Variants in VPS13D observed in about 807,000 individuals in gnomAD.
VPS13D encodes the protein intermembrane lipid transfer protein VPS13D.
VPS13D carries 187 observed loss-of-function variants against 461.9 expected under a neutral mutation model. That is an observed-to-expected ratio of 0.40 (90% CI 0.36 to 0.46). The LOEUF (loss-of-function observed/expected upper bound fraction) is 0.46, where lower values mean the gene tolerates loss of function less well. Among genes scored for constraint, VPS13D ranks in the 20% least tolerant of loss-of-function variants. VPS13D has a pLI of 0.60. For synonymous variants in VPS13D, 1,951 were observed against 1,986.3 expected (o/e 0.98, Z 0.47); for missense variants, 4,711 against 5,364.9 (o/e 0.88, Z 3.81).
At chr1:12,253,620 A>C in intron 6 of VPS13D, 102 bp from the exon 7 acceptor site, 1 of 930,178 alleles carries the variant, frequency 1.1e-6, no homozygotes, top group Admixed American at 1.9e-5. Flanking sequence ...AGCACCTTGC[A>C]AAGTACCTGA....
At chr1:12,271,869 G>A (rs1251225726) in intron 17 of VPS13D, among the ~76,000 whole-genome samples, 3 of 152,172 alleles carry the variant, frequency 2.0e-5, no homozygotes, top group African/African-American at 7.2e-5. Context: ...GGATGCCATA[G>A]ATAGGGAGGG....
chr1:12,275,889 A>G lies in VPS13D; in HGVS notation c.2301A>G (p.Glu767=). Residue 767 remains glutamate (E), a synonymous_variant, in exon 19 of 70, where the codon GAA becomes GAG. Coordinates refer to ENST00000620676, the MANE Select transcript of VPS13D (RefSeq NM_015378.4). ...AAGAGACCCAGTTTAGTGATGATGAATATAAGACCCCCCTGGCCACACCTC... is the reference window on the plus strand; with the variant it reads ...AAGAGACCCAGTTTAGTGATGATGAGTATAAGACCCCCCTGGCCACACCTC... ...ASEETQFSDD[E]YKTPLATPPN... The G allele has an allele frequency of 6.2e-7, 1 of 1,613,642 alleles. No individual in the cohort carries two copies. The highest frequency in any genetic ancestry group is 8.5e-7 in the Non-Finnish European group (1 of 1,179,880).
chr1:12,305,968 CTATTTTTATTTTTATTTT>C (rs369743535), intron 26 of VPS13D, among the ~76,000 whole-genome samples: 4 of 151,642 alleles, frequency 2.6e-5, no homozygotes, highest in Non-Finnish European at 2.9e-5. Flanking sequence ...TTTTATTTTT[CTATTTTTATTTTTATTTT>C]TATTTTTATT....
Position 12,484,275 on chromosome 1 carries a change from C to T in VPS13D, c.12663-13225C>T, listed in dbSNP as rs147803832. 5.5e-4 allele frequency among the ~76,000 whole-genome samples: 84 copies of T among 152,278 alleles called. 1 individual carries two copies. In the East Asian group the frequency reaches 0.014, roughly 25 times the overall value. On this transcript the variant is annotated intron_variant, in intron 67 of 69. Transcript: ENST00000620676. ...AGCATATAGTGCCGGACCACCCCAG[C>T]GCTCCCACTTACCTCCTTCACTCTT...
chr1:12,362,752 A>T lies in VPS13D; in HGVS notation c.10174A>T (p.Ile3392Phe). Residue 3392 changes from isoleucine (I) to phenylalanine (F), a missense_variant, in exon 51 of 70, where the codon ATT becomes TTT. Around this residue, in one of 3 missense-constraint regions of VPS13D, gnomAD observed 4,411 missense variants for 4,937.8 expected, o/e 0.89. Transcript: ENST00000620676. ...IDVKKGRGRY[I>F]DTCMVIFAPR... is the part of the protein sequence containing the mutation. ...TGTCAAGAAAGGCCGAGGTCGATAC[A>T]TTGATACCTGCATGGTCATCTTTGC... 6.2e-7 allele frequency: 1 copy of T among 1,614,254 alleles called. No homozygotes were observed. The highest frequency in any genetic ancestry group is 8.5e-7 in the Non-Finnish European group (1 of 1,180,038).
chr1:12,322,516 C>T lies in VPS13D; in HGVS notation c.7705-20C>T, dbSNP rs778496555. The stretch of plus-strand genomic sequence containing the variant: ...CCAATGCAGCTTTAAAAAATTGCTA[C>T]CTTTTTTACATTTTGTTAGATTCAG... On this transcript the variant is annotated intron_variant, in intron 33 of 69. Coordinates refer to ENST00000620676, the MANE Select transcript of VPS13D (RefSeq NM_015378.4). The T allele has an allele frequency of 1.2e-6, 2 of 1,610,986 alleles. No homozygotes were observed. Among genetic ancestry groups the T allele is most frequent in the Non-Finnish European group, 1.7e-6 (2 of 1,177,390 alleles).
intron 46 of VPS13D, among the ~76,000 whole-genome samples, chr1:12,349,953 GTT>G (rs759076455): frequency 2.6e-5 from 4 of 152,136 alleles, no homozygotes; most frequent in Non-Finnish European, 5.9e-5. Context: ...ATTAGCTTTA[GTT>G]TCTTTTATAG....
intron 57 of VPS13D, among the ~76,000 whole-genome samples, chr1:12,382,027 TTCTTTC>T (rs1458365665): frequency 2.0e-5 from 3 of 146,858 alleles, no homozygotes; most frequent in Non-Finnish European, 3.0e-5. Flanking sequence ...CTTCCTTCCT[TTCTTTC>T]TCTTTCTTTC....
At chr1:12,324,436 G>T (rs1302818923) in intron 35 of VPS13D, among the ~76,000 whole-genome samples, 2 of 152,122 alleles carry the variant, frequency 1.3e-5, no homozygotes, top group East Asian at 3.9e-4. Context: ...CCTGGGAGGC[G>T]GAGGTTGCAG....
chr1:12,492,948 A>G (rs551840224), intron 67 of VPS13D, among the ~76,000 whole-genome samples: 50 of 152,364 alleles, frequency 3.3e-4, no homozygotes, highest in Admixed American at 2.6e-3. Flanking sequence ...GTAAGGCTAC[A>G]TAAAAAAGAA....
chr1:12,367,561 TATTTA>T (rs1299648924), intron 52 of VPS13D: 2 of 150,722 alleles, frequency 1.3e-5, no homozygotes, highest in Admixed American at 1.3e-4. Flanking sequence ...GAAATTTATT[TATTTA>T]TTTATTTATT....
rs1643284704 is a variant in VPS13D at position 12,329,848 on chromosome 1, T to A, written c.8217T>A (p.Arg2739=). ...TTGCAGGTCTGAATTTTCTTCAGCG[T>A]GTAAGAACTAGCCCTGAAGGCTATG... ...LTFSRLNFLQ[R]VRTSPEGYAH... is the part of the protein sequence containing the mutation. Residue 2739 remains arginine, a synonymous_variant, in exon 37 of 70, where the codon CGT becomes CGA. Transcript: ENST00000620676. 3.1e-6 allele frequency: 5 copies of A among 1,614,136 alleles called. No individual in the cohort carries two copies. Among genetic ancestry groups the A allele is most frequent in the Middle Eastern group, 1.6e-4 (1 of 6,062 alleles).
intron 50 of VPS13D, 54 bp downstream of exon 50, chr1:12,358,655 G>T (rs1643909206): frequency 6.3e-7 from 1 of 1,592,624 alleles, no homozygotes; most frequent in Admixed American, 1.8e-5. Flanking sequence ...GATGACCTCA[G>T]GCTTGGAGGA....
chr1:12,330,521 C>A (rs1051314125), intron 37 of VPS13D, among the ~76,000 whole-genome samples: 1 of 152,102 alleles, frequency 6.6e-6, no homozygotes, highest in Admixed American at 6.5e-5. Flanking sequence ...TCATTTATTT[C>A]GCCCTGAGAG....
chr1:12,384,744 C>T (rs887810002), intron 58 of VPS13D, among the ~76,000 whole-genome samples: 4 of 152,064 alleles, frequency 2.6e-5, no homozygotes, highest in South Asian at 2.1e-4. Context: ...CTCAGCCTCC[C>T]GAATAGCTGG....
chr1:12,290,493 C>T (rs902333307), intron 22 of VPS13D, among the ~76,000 whole-genome samples: 18 of 152,022 alleles, frequency 1.2e-4, no homozygotes, highest in Admixed American at 9.2e-4. Flanking sequence ...GAGGCCAAGG[C>T]GGGCGGATCA....
intron 63 of VPS13D, among the ~76,000 whole-genome samples, chr1:12,406,602 A>G (rs1015320844): frequency 2.0e-5 from 3 of 152,188 alleles, no homozygotes; most frequent in Non-Finnish European, 2.9e-5. Flanking sequence ...TGCTATCTCA[A>G]TTGGATTCCT....
In VPS13D at chr1:12,283,371, G is replaced by A. The variant is rs200848844; in HGVS notation, c.5269G>A (p.Asp1757Asn). ...RKKQKEVQDK[D>N]YPLTPPPSPT... ...AAAGCAAAAGGAAGTCCAAGACAAG[G>A]ACTATCCCTTGACCCCACCTCCTTC... The change falls in exon 21 of 70, where the codon GAC becomes AAC. Residue 1757 changes from aspartate (D) to asparagine (N), a missense_variant. By Grantham distance (23) the Asp-to-Asn change is conservative (BLOSUM62 1). Coordinates refer to ENST00000620676, the MANE Select transcript of VPS13D (RefSeq NM_015378.4). The A allele has an allele frequency of 1.2e-4, 201 of 1,614,002 alleles. No individual in the cohort carries two copies. The highest frequency in any genetic ancestry group is 1.6e-4 in the Non-Finnish European group (193 of 1,180,030).
At chr1:12,440,041 A>C (rs1478197082) in intron 65 of VPS13D, among the ~76,000 whole-genome samples, 1 of 152,208 alleles carries the variant, frequency 6.6e-6, no homozygotes, top group Non-Finnish European at 1.5e-5. Flanking sequence ...TTTAAAGGGA[A>C]TACTGCATTA....
Sources: allele counts gnomAD v4.1 joint callset (sites outside exome capture counted in the v4.1 genomes callset), GRCh38; gene constraint gnomAD v4.1.1; regional missense constraint gnomAD v4.1.1; transcripts MANE v1.5; gene names NCBI Gene and HGNC (gene_info 2026-07-23, HGNC 2026-07-21).